MON2: variants seen among roughly 807,000 people sequenced by gnomAD.
MON2 encodes the protein MON2 regulator of endosome-to-Golgi trafficking.
Under a neutral mutation model 208.6 loss-of-function variants are expected in MON2, and 84 were observed. The ratio of observed to expected loss-of-function variants is 0.40; its 90% confidence interval spans 0.34 to 0.48. MON2 has a LOEUF of 0.48. Among genes scored for constraint, MON2 ranks in the 20% least tolerant of loss-of-function variants. MON2 has a pLI of 0.59. For synonymous variants in MON2, 660 were observed against 694.0 expected, an observed-to-expected ratio of 0.95 and a Z score of 0.77; for missense variants, 1,611 against 2,015.4, an observed-to-expected ratio of 0.80 and a Z score of 3.84.
chr12:62,549,466 A>T (rs1458469646), intron 22 of MON2, among the ~76,000 whole-genome samples: 2 of 151,746 alleles, frequency 1.3e-5, no homozygotes, highest in Non-Finnish European at 2.9e-5. Flanking sequence ...CAAAAAAAAA[A>T]AAAAAAAGGG....
intron 10 of MON2, 30 bp downstream of exon 10, chr12:62,525,250 A>G (rs1018267093): frequency 1.2e-6 from 2 of 1,609,032 alleles, no homozygotes; most frequent in Non-Finnish European, 1.7e-6. Flanking sequence ...TTTGTTTCTT[A>G]TATTCTGCCG....
At chr12:62,468,776 T>G (rs2068638106) in intron 1 of MON2, among the ~76,000 whole-genome samples, 1 of 152,206 alleles carries the variant, frequency 6.6e-6, no homozygotes, top group Non-Finnish European at 1.5e-5. Context: ...AATTAAGTTG[T>G]TTTAATTATA....
chr12:62,546,300 C>A (rs192669209), intron 21 of MON2, among the ~76,000 whole-genome samples: 195 of 152,054 alleles, frequency 1.3e-3, no homozygotes, highest in African/African-American at 4.4e-3. Flanking sequence ...AAATTTATTT[C>A]TATTATTTAT....
At chr12:62,530,884 A>G (rs2072605114) in intron 11 of MON2, among the ~76,000 whole-genome samples, 1 of 152,192 alleles carries the variant, frequency 6.6e-6, no homozygotes, top group Non-Finnish European at 1.5e-5. Flanking sequence ...AGATATCTCC[A>G]CATCCTCAGC....
intron 19 of MON2, among the ~76,000 whole-genome samples, chr12:62,540,668 TA>T (rs1319955293): frequency 6.6e-6 from 1 of 152,148 alleles, no homozygotes; most frequent in Non-Finnish European, 1.5e-5. Flanking sequence ...ATACGCTGAG[TA>T]AAATAGAGAT....
At chr12:62,506,671 A>G (rs2071116233) in intron 7 of MON2, among the ~76,000 whole-genome samples, 1 of 151,826 alleles carries the variant, frequency 6.6e-6, no homozygotes, top group South Asian at 2.1e-4. Context: ...GGTTGCAGTG[A>G]GCCGAGATTG....
At chr12:62,530,027 T>G (rs898307824) in intron 11 of MON2, among the ~76,000 whole-genome samples, 12 of 152,144 alleles carry the variant, frequency 7.9e-5, no homozygotes, top group African/African-American at 2.7e-4. Flanking sequence ...TTTAAAAATA[T>G]GCAATAGATT....
rs2075571194 is a variant in MON2, at chr12:62,598,572, T to C, written c.*5823T>C. The C allele has an allele frequency of 6.6e-6, 1 of 152,218 alleles. No homozygotes were observed. The highest frequency in any genetic ancestry group is 1.5e-5 in the Non-Finnish European group (1 of 68,028). 9.4% of individuals were successfully genotyped at this position (152,218 alleles called of 1,614,324 possible). A position where few individuals can be genotyped will look rare whatever the true frequency, so the allele number is the denominator to read the frequency against. ...CTGTGTCATAATTTAACACGTAACA[T>C]ACAACTCCTGTCTCTTAAGGCAGCT... On this transcript the variant is annotated 3_prime_UTR_variant, in exon 35 of 35. Transcript: ENST00000393630.
Position 62,560,667 on chromosome 12 carries a change from C to G in MON2, c.3586C>G (p.Pro1196Ala). 6.2e-7 allele frequency: 1 copy of G among 1,614,040 alleles called. No individual in the cohort carries two copies. Among genetic ancestry groups the G allele is most frequent in the Non-Finnish European group, 8.5e-7 (1 of 1,179,980 alleles). Residue 1196 changes from proline (P) to alanine (A), a missense_variant, in exon 26 of 35, where the codon CCT (proline) becomes GCT (alanine). Coordinates refer to ENST00000393630, the MANE Select transcript of MON2 (RefSeq NM_015026.3). ...ETPPVVNVPV[P>A]VLIGPISGMS... ...ACCACCTGTAGTTAATGTACCTGTG[C>G]CTGTTCTTATAGGGCCCATATCAGG...
In MON2 at chr12:62,595,586, G is replaced by A. The variant is rs941857121; in HGVS notation, c.*2837G>A. ...TCTGGCCATTTTGTCCATTATAAAG[G>A]AAATAAACTAATTGTTAACTTGCAT... On this transcript the variant is annotated 3_prime_UTR_variant, in exon 35 of 35. Coordinates refer to ENST00000393630, the MANE Select transcript of MON2 (RefSeq NM_015026.3). 1 of 152,148 alleles carries A rather than the reference G, an allele frequency of 6.6e-6. No homozygotes were observed. Among genetic ancestry groups the A allele is most frequent in the African/African-American group, 2.4e-5 (1 of 41,428 alleles). The allele number at this position is 152,148 out of a possible 1,614,324, so 9.4% of individuals were successfully genotyped here.
At chr12:62,468,335 T>G (rs1298943474) in intron 1 of MON2, among the ~76,000 whole-genome samples, 1 of 152,122 alleles carries the variant, frequency 6.6e-6, no homozygotes, top group Non-Finnish European at 1.5e-5. Flanking sequence ...AGCGCCCGGC[T>G]GTTTTTATTT....
intron 30 of MON2, among the ~76,000 whole-genome samples, chr12:62,574,451 A>C (rs1226257951): frequency 2.6e-5 from 4 of 152,026 alleles, no homozygotes; most frequent in Non-Finnish European, 5.9e-5. Context: ...TTCATGGCTC[A>C]CTGCGGCCTT....
intron 25 of MON2, 24 bp from the exon 26 acceptor site, chr12:62,560,466 GT>G (rs751681688): frequency 1.6e-5 from 24 of 1,542,476 alleles, no homozygotes; most frequent in East Asian, 6.8e-5. Flanking sequence ...TATGATAATA[GT>G]TTTTTTTTCT....
chr12:62,495,007 A>G lies in MON2; in HGVS notation c.304-9A>G, dbSNP rs776585119. 29 of 1,597,084 alleles carry G rather than the reference A, an allele frequency of 1.8e-5. No homozygotes were observed. The highest frequency in any genetic ancestry group is 3.5e-4 in the Middle Eastern group (2 of 5,710). Reference sequence around the variant, plus strand: ...TTTGTTGACAATAATTAAAATAACTATTTTACAGACTGCAGCTGGAAATAT... The same window carrying G: ...TTTGTTGACAATAATTAAAATAACTGTTTTACAGACTGCAGCTGGAAATAT... On this transcript the variant is annotated splice_polypyrimidine_tract_variant and intron_variant, in intron 3 of 34. Transcript: ENST00000393630.
intron 30 of MON2, among the ~76,000 whole-genome samples, chr12:62,574,018 G>A (rs533221971): frequency 1.1e-4 from 16 of 152,214 alleles, no homozygotes; most frequent in Admixed American, 2.6e-4. Flanking sequence ...AGACTACCTG[G>A]ATTCAAATCC....
intron 26 of MON2, among the ~76,000 whole-genome samples, chr12:62,563,575 T>C (rs371438457): frequency 6.6e-5 from 10 of 152,162 alleles, no homozygotes; most frequent in East Asian, 5.8e-4. Context: ...ATTTTTCTGA[T>C]ATTCAGACTT....
At chr12:62,526,975 A>C (rs1304601819) in intron 11 of MON2, among the ~76,000 whole-genome samples, 1 of 152,072 alleles carries the variant, frequency 6.6e-6, no homozygotes, top group Non-Finnish European at 1.5e-5. Context: ...AAAAATACAA[A>C]AATTAGCTGG....
intron 32 of MON2, among the ~76,000 whole-genome samples, chr12:62,584,853 G>C (rs915779524): frequency 6.6e-6 from 1 of 151,892 alleles, no homozygotes; most frequent in African/African-American, 2.4e-5. Flanking sequence ...TGGAGCAGAG[G>C]TCACGTTCCA....
chr12:62,529,401 G>C (rs1295379090), intron 11 of MON2, among the ~76,000 whole-genome samples: 1 of 152,104 alleles, frequency 6.6e-6, no homozygotes, highest in Non-Finnish European at 1.5e-5. Flanking sequence ...TATTTGCTCA[G>C]TGAATGATCA....
Sources: allele counts gnomAD v4.1 joint callset (sites outside exome capture counted in the v4.1 genomes callset), GRCh38; gene constraint gnomAD v4.1.1; transcripts MANE v1.5; gene names NCBI Gene and HGNC (gene_info 2026-07-23, HGNC 2026-07-21).